ZNF320: variants seen among roughly 807,000 people sequenced by gnomAD.
ZNF320 encodes the protein zinc finger protein 320.
Under a neutral mutation model 6.8 loss-of-function variants are expected in ZNF320, and 2 were observed. The ratio of observed to expected loss-of-function variants is 0.29; its 90% CI spans 0.12 to 0.93. The LOEUF is 0.93. Among genes scored for constraint, ZNF320 ranks in the 40% least tolerant of loss-of-function variants. The pLI is 0.55. For missense variants in ZNF320, 472 were observed against 611.0 expected (o/e 0.77, Z 2.40); for synonymous variants, 208 against 203.2 (o/e 1.02, Z -0.20).
At chr19:52,885,284 TA>T (rs55782938) in intron 5 of ZNF320, among the ~76,000 whole-genome samples, 26,712 of 151,488 alleles carry the variant, frequency 0.18, 2,804 homozygotes, top group South Asian at 0.28. Context: ...TAAAGGTAAA[TA>T]AAAAAAACGG....
rs1487667243 is a variant in ZNF320 at position 52,868,918 on chromosome 19, T to TA, written c.224-4760dup. Reference sequence around the variant, plus strand: ...CCAGTGGATGAATAAGGTCTTGACTTACTCAGTGAGAGTAGTGTTGGAGGG... The same window carrying TA: ...CCAGTGGATGAATAAGGTCTTGACTTAACTCAGTGAGAGTAGTGTTGGAGGG... On this transcript the variant is annotated intron_variant, in intron 5 of 5. Coordinates refer to the ZNF320 transcript ENST00000673631. 5.9e-5 allele frequency among the ~76,000 whole-genome samples: 9 copies of TA among 152,238 alleles called. No homozygotes were observed. The East Asian group carries it at 1.7e-3, about 29-fold the overall frequency.
chr19:52,897,917 C>T (rs994682839), upstream of ZNF320, among the ~76,000 whole-genome samples: 2 of 152,318 alleles, frequency 1.3e-5, no homozygotes, highest in Admixed American at 1.3e-4. Flanking sequence ...ATCTCGCTCT[C>T]TGCGCCTTTT....
At chr19:52,868,541 TTTCTCAAATAAG>T (rs1239709574) in intron 5 of ZNF320, among the ~76,000 whole-genome samples, 4 of 151,860 alleles carry the variant, frequency 2.6e-5, no homozygotes, top group Admixed American at 2.6e-4. Context: ...ATTAACATTA[TTTCTCAAATAAG>T]TTCTCAAATA....
chr19:52,887,059 G>C (rs1419515967), intron 5 of ZNF320, among the ~76,000 whole-genome samples: 2 of 149,202 alleles, frequency 1.3e-5, no homozygotes, highest in African/African-American at 2.5e-5. Flanking sequence ...GGAAAGAGCA[G>C]AGGGATAAGT....
intron 5 of ZNF320, among the ~76,000 whole-genome samples, chr19:52,870,974 A>T (rs1384360213): frequency 6.6e-6 from 1 of 151,714 alleles, no homozygotes; most frequent in East Asian, 1.9e-4. Flanking sequence ...GTGAAATCCC[A>T]TCTCTACTAA....
chr19:52,880,623 C>T lies in ZNF320; in HGVS notation c.1503G>A (p.Glu501=). Reference sequence around the variant, plus strand: ...AATTAATGCTTGATGGTTTGCTATACTCATTGCACTTGAAACAATTGTCTC... The same window carrying T: ...AATTAATGCTTGATGGTTTGCTATATTCATTGCACTTGAAACAATTGTCTC... ...PFGDNCFKCN[E]YSKPSSIN The change falls in exon 6 of 6, where the codon GAG becomes GAA. Residue 501 remains glutamate (E), a synonymous_variant. Coordinates refer to ENST00000682928, the MANE Select transcript of ZNF320 (RefSeq NM_001351774.2). The T allele has an allele frequency of 6.2e-7, 1 of 1,611,358 alleles. No homozygotes were observed. The highest frequency in any genetic ancestry group is 8.5e-7 in the Non-Finnish European group (1 of 1,178,688).
rs1426658544 is a variant in ZNF320 at position 52,880,261 on chromosome 19, T to C, written c.*335A>G. 2.7e-5 allele frequency: 5 copies of C among 187,138 alleles called. No homozygotes were observed. The highest frequency in any genetic ancestry group is 2.2e-4 in the Admixed American group (4 of 18,148). 11.6% of individuals were successfully genotyped at this position (187,138 alleles called of 1,614,324 possible). ...TACTCAGGAGACTGAGGCAGGAGAA[T>C]TGCATGAACCTGGGAGGTGAATGTT... On this transcript the variant is annotated 3_prime_UTR_variant, in exon 6 of 6. Coordinates refer to ENST00000682928, the MANE Select transcript of ZNF320 (RefSeq NM_001351774.2).
At chr19:52,887,013 A>AGGAAGGAAAAG (rs1555821425) in intron 5 of ZNF320, among the ~76,000 whole-genome samples, 2 of 143,350 alleles carry the variant, frequency 1.4e-5, no homozygotes, top group Admixed American at 7.0e-5. Context: ...AAGGAAAAGA[A>AGGAAGGAAAAG]AAAACAAAAC....
chr19:52,862,258 T>C, exon 6 of ZNF320: 2 of 685,472 alleles, frequency 2.9e-6, no homozygotes, highest in Admixed American at 2.0e-5. Flanking sequence ...CCACACTCAT[T>C]ACACTTGTAA....
chr19:52,890,400 C>T, intron 3 of ZNF320, 72 bp from the exon 4 acceptor site: 1 of 1,202,644 alleles, frequency 8.3e-7, no homozygotes, highest in Non-Finnish European at 1.2e-6. Context: ...ATGACACATA[C>T]AAAGGAGGCC....
chr19:52,860,913 C>T (rs540851532), exon 6 of ZNF320, among the ~76,000 whole-genome samples: 2 of 152,238 alleles, frequency 1.3e-5, no homozygotes, highest in Non-Finnish European at 1.5e-5. Flanking sequence ...CCACAGCGTT[C>T]TAAGCACAAT....
At position 52,881,614 on chromosome 19, in the gene ZNF320, C is replaced by G; in HGVS notation, c.512G>C (p.Ser171Thr). 2 of 1,613,972 alleles carry G rather than the reference C, an allele frequency of 1.2e-6. No homozygotes were observed. Among genetic ancestry groups the G allele is most frequent in the Non-Finnish European group, 1.7e-6 (2 of 1,179,930 alleles). The change falls in exon 6 of 6, where the codon AGT (serine) becomes ACT (threonine). Residue 171 changes from serine to threonine, a missense_variant. Around this residue, in one of 2 missense-constraint regions of ZNF320, gnomAD observed 462 missense variants for 559.7 expected, o/e 0.83. Transcript: ENST00000682928. The stretch of plus-strand genomic sequence containing the variant: ...ATGTATTTCAAGATGTGATTTGCAA[C>G]TGAAAACTTTCTCACATTCTTCACA... ...YKCEECEKVF[S>T]CKSHLEIHRI...
At chr19:52,894,504 A>T (rs1348752634) in intron 1 of ZNF320, among the ~76,000 whole-genome samples, 1 of 152,178 alleles carries the variant, frequency 6.6e-6, no homozygotes, top group African/African-American at 2.4e-5. Flanking sequence ...CTAAACATGT[A>T]ATTATTTTCC....
At chr19:52,899,143 A>G (rs2064553233), upstream of ZNF320, among the ~76,000 whole-genome samples, 1 of 152,304 alleles carries the variant, frequency 6.6e-6, no homozygotes, top group East Asian at 1.9e-4. Context: ...GTAGCGATGA[A>G]GCTTTTTATC....
chr19:52,881,834 C>A lies in ZNF320; in HGVS notation c.292G>T (p.Val98Leu), dbSNP rs536607948. The change falls in exon 6 of 6, where the codon GTG becomes TTG. Residue 98 changes from valine (V) to leucine (L), a missense_variant. Val to Leu is a conservative substitution (Grantham distance 32). Around this residue, in one of 2 missense-constraint regions of ZNF320, gnomAD observed 462 missense variants for 559.7 expected, o/e 0.83. Transcript: ENST00000682928. ...GTTTCATCTTCTTGCCACTGAAACA[C>A]AAAGTCATGAATGTCTTTCTCAATT... ...QEIEKDIHDF[V>L]FQWQEDETND... The A allele has an allele frequency of 6.2e-7, 1 of 1,613,782 alleles. No individual in the cohort carries two copies. The highest frequency in any genetic ancestry group is 1.7e-5 in the Admixed American group (1 of 59,980).
intron 5 of ZNF320, among the ~76,000 whole-genome samples, chr19:52,870,612 C>T (rs1046382209): frequency 3.3e-5 from 5 of 152,024 alleles, no homozygotes; most frequent in African/African-American, 9.7e-5. Flanking sequence ...CACATCACAT[C>T]ATGCCATTAC....
At chr19:52,904,195 C>T in the ZNF320 span, among the ~76,000 whole-genome samples, 12 of 152,366 alleles carry the variant, frequency 7.9e-5, no homozygotes, top group Middle Eastern at 3.4e-3. Flanking sequence ...TGCTATGCAC[C>T]GCTCTGGCGA....
rs2063865286 is a variant in ZNF320 at position 52,880,004 on chromosome 19, ATG to A, written c.*590_*591del. The stretch of plus-strand genomic sequence containing the variant: ...TGCTAAATGATTATAACTGAATGTG[ATG>A]TAGATTCAACACAATACCCAGAGAA... On this transcript the variant is annotated 3_prime_UTR_variant, in exon 6 of 6. Coordinates refer to ENST00000682928, the MANE Select transcript of ZNF320 (RefSeq NM_001351774.2). The A allele has an allele frequency of 6.6e-6, 1 of 152,166 alleles. No homozygotes were observed. Among genetic ancestry groups the A allele is most frequent in the Non-Finnish European group, 1.5e-5 (1 of 68,030 alleles). 9.4% of individuals were successfully genotyped at this position (152,166 alleles called of 1,614,324 possible).
At chr19:52,896,562 A>G (rs2064479713) in intron 1 of ZNF320, among the ~76,000 whole-genome samples, 1 of 152,248 alleles carries the variant, frequency 6.6e-6, no homozygotes, top group Admixed American at 6.5e-5. Flanking sequence ...CACAAAAATT[A>G]GCGCGGTGTG....
Sources: gnomAD v4.1 joint callset for allele counts (sites outside exome capture counted in the v4.1 genomes callset) on GRCh38, gnomAD v4.1.1 for gene constraint, gnomAD v4.1.1 regional missense constraint, MANE v1.5 for transcripts, NCBI Gene and HGNC (gene_info 2026-07-23, HGNC 2026-07-21) for gene names.